Variants in PLEKHG7 observed in about 807,000 individuals in gnomAD.
PLEKHG7 encodes the protein pleckstrin homology and RhoGEF domain containing G7, also known as pleckstrin homology domain-containing family G member 7.
PLEKHG7 carries 77 observed loss-of-function variants against 85.2 expected under a neutral mutation model. The observed-to-expected ratio is 0.90, with a 90% CI of 0.75 to 1.09. The LOEUF (loss-of-function observed/expected upper bound fraction) is 1.09. Ranked by LOEUF, PLEKHG7 falls within the 50% of genes least tolerant of loss-of-function variation. The probability of loss-of-function intolerance (pLI) is 0.00; values close to 1 mark genes in which losing one functional copy is unlikely to be tolerated. For missense variants in PLEKHG7, 777 were observed against 804.3 expected (o/e 0.97, Z 0.41); for synonymous variants, 301 against 302.4 (o/e 1.00, Z 0.05).
chr12:92,754,229 T>A lies in PLEKHG7; in HGVS notation c.1391T>A (p.Ile464Asn). The change falls in exon 11 of 17, where the codon ATC becomes AAC. Residue 464 changes from isoleucine (I) to asparagine (N), a missense_variant. Around this residue, in one of 3 missense-constraint regions of PLEKHG7, gnomAD observed 520 missense variants for 544.0 expected, o/e 0.96. Transcript: ENST00000344636. ...RSMDSAEKIM[I>N]YSIKEKVEKS... ...ATGGACTCTGCTGAGAAAATCATGA[T>A]CTACTCCATCAAGGAAAAGGTGGAA... The A allele has an allele frequency of 4.3e-6, 7 of 1,613,948 alleles. No individual in the cohort carries two copies. Among genetic ancestry groups the A allele is most frequent in the Non-Finnish European group, 5.9e-6 (7 of 1,179,934 alleles).
chr12:92,742,100 C>T (rs1271961291), intron 9 of PLEKHG7, among the ~76,000 whole-genome samples: 1 of 152,110 alleles, frequency 6.6e-6, no homozygotes, highest in Admixed American at 6.5e-5. Flanking sequence ...ACTTTTCTTA[C>T]TTTGAGGTTT....
intron 13 of PLEKHG7, among the ~76,000 whole-genome samples, chr12:92,760,973 C>CA (rs1206975949): frequency 6.6e-6 from 1 of 152,134 alleles, no homozygotes; most frequent in African/African-American, 2.4e-5. Flanking sequence ...AGTCCCAGGC[C>CA]AAGGTGATGG....
chr12:92,737,745 G>T (rs371414465), intron 7 of PLEKHG7, among the ~76,000 whole-genome samples: 1 of 52,766 alleles, frequency 1.9e-5, no homozygotes, highest in African/African-American at 4.5e-5. Flanking sequence ...GGAAGGGAGG[G>T]AGGGAGGAAG....
intron 3 of PLEKHG7, among the ~76,000 whole-genome samples, chr12:92,709,305 G>A (rs1207735166): frequency 1.3e-5 from 2 of 152,194 alleles, no homozygotes; most frequent in Non-Finnish European, 2.9e-5. Context: ...ATCAGGGTGA[G>A]GGAAAGGAAT....
chr12:92,759,082 C>T (rs1359741655), intron 13 of PLEKHG7, among the ~76,000 whole-genome samples: 1 of 152,170 alleles, frequency 6.6e-6, no homozygotes, highest in African/African-American at 2.4e-5. Context: ...CTAACACATA[C>T]TGTGTTTCCA....
intron 9 of PLEKHG7, among the ~76,000 whole-genome samples, chr12:92,742,266 C>A (rs543820819): frequency 6.6e-6 from 1 of 152,214 alleles, no homozygotes; most frequent in African/African-American, 2.4e-5. Flanking sequence ...ATTAAACAAG[C>A]GCCTTGCTTT....
At chr12:92,740,830 T>G in intron 7 of PLEKHG7, 23 bp from the exon 8 acceptor site, 1 of 1,472,094 alleles carries the variant, frequency 6.8e-7, no homozygotes, top group Non-Finnish European at 9.4e-7. Flanking sequence ...GAAATTAATG[T>G]GTATATATTT....
At chr12:92,703,612 A>G (rs193101629) in intron 1 of PLEKHG7, among the ~76,000 whole-genome samples, 8 of 152,370 alleles carry the variant, frequency 5.3e-5, no homozygotes, top group African/African-American at 1.7e-4. Context: ...TAGGTCACAC[A>G]GCCAATTGGC....
At position 92,755,920 on chromosome 12, in the gene PLEKHG7, A is replaced by G. The variant is rs1252291745; in HGVS notation, c.1522A>G (p.Lys508Glu). 6.2e-7 allele frequency: 1 copy of G among 1,609,516 alleles called. No homozygotes were observed. Among genetic ancestry groups the G allele is most frequent in the African/African-American group, 1.3e-5 (1 of 74,502 alleles). ...IVWPPLWDRD[K>E]RFFIPECLKH... ...GTGGCCACCGCTTTGGGATAGAGAT[A>G]AAAGGTTTTTCATTCCAGAGGTACA... The change falls in exon 12 of 17, where the codon AAA becomes GAA. Residue 508 changes from lysine (K) to glutamate (E), a missense_variant. Physicochemically the swap from Lys to Glu is moderately conservative, Grantham distance 56 (BLOSUM62 1). Around this residue, in one of 3 missense-constraint regions of PLEKHG7, gnomAD observed 520 missense variants for 544.0 expected, o/e 0.96. Transcript: ENST00000344636.
Position 92,706,475 on chromosome 12 carries a change from A to T in PLEKHG7, c.-157A>T. 2.3e-6 allele frequency: 2 copies of T among 886,346 alleles called. No homozygotes were observed. Among genetic ancestry groups the T allele is most frequent in the East Asian group, 2.6e-5 (1 of 38,066 alleles). 54.9% of individuals were successfully genotyped at this position (886,346 alleles called of 1,614,324 possible). A position where few individuals can be genotyped will look rare whatever the true frequency, so the allele number is the denominator to read the frequency against. ...GTCTGCTCTTCCTCACTACAGATGC[A>T]ATAACCTGCTTGACATTCTCCTCTG... On this transcript the variant is annotated 5_prime_UTR_variant, in exon 2 of 17. Coordinates refer to ENST00000344636, the MANE Select transcript of PLEKHG7 (RefSeq NM_001377329.1).
rs750119594 is a variant in PLEKHG7 at position 92,754,206 on chromosome 12, G to A, written c.1368G>A (p.Met456Ile). Reference sequence around the variant, plus strand: ...TGAAGAATATCTGGAAAAGGAGCATGGACTCTGCTGAGAAAATCATGATCT... The same window carrying A: ...TGAAGAATATCTGGAAAAGGAGCATAGACTCTGCTGAGAAAATCATGATCT... The part of the protein sequence containing the change: ...LLLKNIWKRS[M>I]DSAEKIMIYS... Residue 456 changes from methionine (M) to isoleucine (I), a missense_variant, in exon 11 of 17, where the codon ATG (methionine) becomes ATA (isoleucine). Physicochemically the swap from Met to Ile is conservative, Grantham distance 10. Coordinates refer to ENST00000344636, the MANE Select transcript of PLEKHG7 (RefSeq NM_001377329.1). 1.9e-6 allele frequency: 3 copies of A among 1,613,974 alleles called. No homozygotes were observed. The highest frequency in any genetic ancestry group is 1.7e-6 in the Non-Finnish European group (2 of 1,179,942).
At chr12:92,708,972 C>T (rs1216553893) in intron 3 of PLEKHG7, among the ~76,000 whole-genome samples, 1 of 151,950 alleles carries the variant, frequency 6.6e-6, no homozygotes, top group Non-Finnish European at 1.5e-5. Context: ...AGATCTAGTT[C>T]AGTTGTGTCA....
chr12:92,743,288 C>T (rs11610780), intron 9 of PLEKHG7, among the ~76,000 whole-genome samples: 37,277 of 151,946 alleles, frequency 0.25, 5,127 homozygotes, highest in Non-Finnish European at 0.32. Context: ...GCTCACATTT[C>T]ATCAGTACAT....
intron 7 of PLEKHG7, among the ~76,000 whole-genome samples, chr12:92,738,674 C>A (rs190993492): frequency 7.5e-4 from 115 of 152,322 alleles, no homozygotes; most frequent in Non-Finnish European, 7.3e-5. Flanking sequence ...AGCTCACAGG[C>A]TGCATACTTT....
intron 10 of PLEKHG7, among the ~76,000 whole-genome samples, chr12:92,748,121 T>C (rs528085789): frequency 6.6e-6 from 1 of 152,354 alleles, no homozygotes; most frequent in East Asian, 1.9e-4. Flanking sequence ...TTACACATTG[T>C]ACACATGTAT....
chr12:92,761,308 C>T (rs1176663290), intron 13 of PLEKHG7, among the ~76,000 whole-genome samples: 1 of 152,048 alleles, frequency 6.6e-6, no homozygotes, highest in South Asian at 2.1e-4. Flanking sequence ...GATTTACCCT[C>T]GGCTGAGTTG....
chr12:92,737,739 G>GGGAGGGAGGGAGTAAGGGAGGGAGGGAA (rs1872207238), intron 7 of PLEKHG7, among the ~76,000 whole-genome samples: 8 of 126,456 alleles, frequency 6.3e-5, no homozygotes, highest in Non-Finnish European at 1.2e-4. Flanking sequence ...GAGGGAGGAA[G>GGGAGGGAGGGAGTAAGGGAGGGAGGGAA]GGAGGGAGGG....
At chr12:92,715,613 T>C (rs1871463191) in intron 3 of PLEKHG7, among the ~76,000 whole-genome samples, 1 of 150,882 alleles carries the variant, frequency 6.6e-6, no homozygotes, top group African/African-American at 2.4e-5. Flanking sequence ...CCCACTTCCT[T>C]GAACAGCTGC....
chr12:92,716,302 T>G (rs1000419978), intron 3 of PLEKHG7, among the ~76,000 whole-genome samples: 1 of 152,182 alleles, frequency 6.6e-6, no homozygotes, highest in Non-Finnish European at 1.5e-5. Context: ...TCGTCATTGT[T>G]GGCCAGGCTG....
Sources: gnomAD v4.1 joint callset for allele counts (sites outside exome capture counted in the v4.1 genomes callset) on GRCh38, gnomAD v4.1.1 for gene constraint, gnomAD v4.1.1 regional missense constraint, MANE v1.5 for transcripts, NCBI Gene and HGNC (gene_info 2026-07-23, HGNC 2026-07-21) for gene names.